PTPRS: variants seen among roughly 807,000 people sequenced by gnomAD.
PTPRS encodes the protein protein tyrosine phosphatase receptor type S, also known as receptor-type tyrosine-protein phosphatase S.
A neutral mutation model predicts 215.3 loss-of-function variants in PTPRS; 63 were observed. The ratio of observed to expected loss-of-function variants is 0.29; its 90% CI spans 0.24 to 0.36. The LOEUF (loss-of-function observed/expected upper bound fraction) is 0.36, where lower values mean the gene tolerates loss of function less well. PTPRS is among the 10% of genes least tolerant of loss of function. The probability of loss-of-function intolerance (pLI) is 1.00; values close to 1 mark genes in which losing one functional copy is unlikely to be tolerated. For missense variants in PTPRS, 2,258 were observed against 2,825.8 expected, an observed-to-expected ratio of 0.80 and a Z score of 4.56; for synonymous variants, 1,404 against 1,191.4, an observed-to-expected ratio of 1.18 and a Z score of -3.68.
At chr19:5,292,522 A>G (rs561453952) in intron 1 of PTPRS, among the ~76,000 whole-genome samples, 1 of 152,284 alleles carries the variant, frequency 6.6e-6, no homozygotes, top group East Asian at 1.9e-4. Context: ...GAAAGGTACG[A>G]GCTGCCCTGA....
At chr19:5,300,101 TGTGGTG>T (rs1218547095) in intron 1 of PTPRS, among the ~76,000 whole-genome samples, 2 of 151,026 alleles carry the variant, frequency 1.3e-5, no homozygotes, top group Non-Finnish European at 3.0e-5. Flanking sequence ...ATTAGCTGAG[TGTGGTG>T]GTGCACACCT....
At chr19:5,316,015 C>T (rs2049865383) in intron 1 of PTPRS, among the ~76,000 whole-genome samples, 1 of 151,972 alleles carries the variant, frequency 6.6e-6, no homozygotes, top group Admixed American at 6.6e-5. Context: ...CTCCTGGCCT[C>T]AAGCGATCCC....
chr19:5,218,828 G>A (rs2041721225), intron 23 of PTPRS, 30 bp from the exon 24 acceptor site: 17 of 1,579,526 alleles, frequency 1.1e-5, no homozygotes, highest in Non-Finnish European at 1.4e-5. Flanking sequence ...CAGGTGAGAA[G>A]GGGGAAAAAA....
chr19:5,307,080 A>G (rs2049521733), intron 1 of PTPRS, among the ~76,000 whole-genome samples: 1 of 152,150 alleles, frequency 6.6e-6, no homozygotes, highest in Non-Finnish European at 1.5e-5. Context: ...TGAGGCAGGA[A>G]GATCACCTGA....
At position 5,257,181 on chromosome 19, in the gene PTPRS, G is replaced by A. The variant is rs531535365; in HGVS notation, c.706+836C>T. ...GCCAACGGAGGCATCTGGGGGCAAGGGAGCCCCCTGGCACCTTTGAGGCAG... is the reference window on the plus strand; with the variant it reads ...GCCAACGGAGGCATCTGGGGGCAAGAGAGCCCCCTGGCACCTTTGAGGCAG... On this transcript the variant is annotated intron_variant, in intron 8 of 37. Transcript: ENST00000262963. The surrounding 1 kb of genome is among the most constrained non-coding windows in gnomAD (Gnocchi z 4.4). 1.3e-5 allele frequency among the ~76,000 whole-genome samples: 2 copies of A among 151,126 alleles called. No homozygotes were observed. The highest frequency in any genetic ancestry group is 4.9e-5 in the African/African-American group (2 of 41,128).
intron 30 of PTPRS, 121 bp from the exon 31 acceptor site, chr19:5,212,612 G>T: frequency 8.4e-7 from 1 of 1,193,906 alleles, no homozygotes; most frequent in Middle Eastern, 2.2e-4. Context: ...GGGAGGCCGA[G>T]GTGGGCGGAT....
At chr19:5,301,398 C>T (rs1340009900) in intron 1 of PTPRS, among the ~76,000 whole-genome samples, 1 of 151,996 alleles carries the variant, frequency 6.6e-6, no homozygotes, top group Non-Finnish European at 1.5e-5. Context: ...TCCCTGCACC[C>T]TCTGCCTCCC....
At chr19:5,337,128 T>C (rs2050530127) in intron 1 of PTPRS, among the ~76,000 whole-genome samples, 1 of 152,186 alleles carries the variant, frequency 6.6e-6, no homozygotes, top group Non-Finnish European at 1.5e-5. Context: ...TCCGACCGAC[T>C]CTGCAAATGG....
chr19:5,274,295 C>A lies in PTPRS; in HGVS notation c.141G>T (p.Gly47=). ...CCTGACACACGAAAGAGGCCACACC[C>A]CCCGACACGCCGATCTGGTCCTTGG... ...KEPKDQIGVS[G]GVASFVCQAT... Residue 47 remains glycine, a synonymous_variant, in exon 3 of 38, where the codon GGG becomes GGT. Transcript: ENST00000262963. The A allele has an allele frequency of 6.2e-7, 1 of 1,613,974 alleles. No homozygotes were observed. Among genetic ancestry groups the A allele is most frequent in the Non-Finnish European group, 8.5e-7 (1 of 1,179,954 alleles).
At chr19:5,247,470 C>T (rs1387000350) in intron 9 of PTPRS, among the ~76,000 whole-genome samples, 1 of 152,120 alleles carries the variant, frequency 6.6e-6, no homozygotes, top group African/African-American at 2.4e-5. Flanking sequence ...GTGGGAAGGA[C>T]TCGGGTGAAC....
At position 5,245,795 on chromosome 19, in the gene PTPRS, A is replaced by C. The variant is rs2044430345; in HGVS notation, c.969T>G (p.Val323=). The C allele has an allele frequency of 1.9e-6, 3 of 1,606,666 alleles. No homozygotes were observed. Among genetic ancestry groups the C allele is most frequent in the Non-Finnish European group, 2.6e-6 (3 of 1,176,276 alleles). The change falls in exon 10 of 38, where the codon GTT becomes GTG. Residue 323 remains valine, a synonymous_variant. Transcript: ENST00000262963. ...AMSSLGVIEA[V]AQITVKSLPK... ...GCTCACATTTCACCGTGATCTGAGC[A>C]ACCGCCTCAATGACGCCCAGGCTGG...
chr19:5,218,827 AGGGGG>A, intron 23 of PTPRS, 29 bp from the exon 24 acceptor site: 2 of 1,582,762 alleles, frequency 1.3e-6, no homozygotes, highest in Admixed American at 1.8e-5. Context: ...ACAGGTGAGA[AGGGGG>A]AAAAAAAGAA....
intron 25 of PTPRS, among the ~76,000 whole-genome samples, 175 bp from the exon 26 acceptor site, chr19:5,216,942 T>C (rs1472807268): frequency 1.3e-5 from 2 of 152,206 alleles, no homozygotes; most frequent in African/African-American, 4.8e-5. Context: ...AGCTGCTAAC[T>C]GTGTACCCCT....
chr19:5,276,066 G>A (rs143018314), intron 2 of PTPRS, among the ~76,000 whole-genome samples: 4 of 152,344 alleles, frequency 2.6e-5, no homozygotes, highest in Admixed American at 6.5e-5. Flanking sequence ...ACCAGGCAAG[G>A]GACTTGCTTT....
chr19:5,255,991 CGTGT>C (rs890077803), intron 9 of PTPRS, 113 bp downstream of exon 9: 36 of 686,204 alleles, frequency 5.2e-5, no homozygotes, highest in African/African-American at 4.9e-4. Context: ...ATTTTTTTTC[CGTGT>C]GTGTGTCAGC....
chr19:5,278,042 C>T, intron 2 of PTPRS: 1 of 1,183,916 alleles, frequency 8.4e-7, no homozygotes, highest in South Asian at 1.3e-5. Context: ...ACAGTGTTTC[C>T]TCCAAGAAAC....
Position 5,235,823 on chromosome 19 carries a change from C to T in PTPRS, c.1849+3096G>A, listed in dbSNP as rs73919789. ...CTTTGCTGAATAACACTGAGAGTTC[C>T]CGCATATTAAAGGGAACTGTCTGTG... On this transcript the variant is annotated intron_variant, in intron 13 of 37. Transcript: ENST00000262963. Among the ~76,000 whole-genome samples, 1,493 of 152,278 alleles carry T rather than the reference C, an allele frequency of 9.8e-3. 26 individuals carry two copies. Among genetic ancestry groups the T allele is most frequent in the African/African-American group, 0.034 (1,408 of 41,550 alleles).
At position 5,244,277 on chromosome 19, in the gene PTPRS, G is replaced by A. The variant is rs144956737; in HGVS notation, c.1194C>T (p.Tyr398=). 30 of 1,614,080 alleles carry A rather than the reference G, an allele frequency of 1.9e-5. No individual in the cohort carries two copies. The African/African-American group carries it at 2.8e-4, about 15-fold the overall frequency. Residue 398 remains tyrosine (Y), a synonymous_variant, in exon 11 of 38, where the codon TAC becomes TAT. Coordinates refer to ENST00000262963, the MANE Select transcript of PTPRS (RefSeq NM_002850.4). The surrounding 1 kb of genome is among the most constrained non-coding windows in gnomAD (Gnocchi z 7.2). ...SIGGLSPNSE[Y]EIWVSAVNSI... is the part of the protein sequence containing the mutation. ...AGTTGACGGCCGACACCCAGATCTC[G>A]TACTCCGAGTTGGGGCTCAGGCCGC... is the stretch of plus-strand genomic sequence containing the variant.
intron 9 of PTPRS, 62 bp downstream of exon 9, chr19:5,256,046 G>A (rs756612845): frequency 1.0e-5 from 15 of 1,433,434 alleles, no homozygotes; most frequent in African/African-American, 2.8e-5. Flanking sequence ...GTGTGTGTGC[G>A]TGTCATTTTC....
Sources: gnomAD v4.1 joint callset for allele counts (sites outside exome capture counted in the v4.1 genomes callset) on GRCh38, gnomAD v4.1.1 for gene constraint, Gnocchi (gnomAD v3.1) non-coding constraint, MANE v1.5 for transcripts, NCBI Gene and HGNC (gene_info 2026-07-23, HGNC 2026-07-21) for gene names.